ANO3: variants seen among roughly 807,000 people sequenced by gnomAD.
The protein encoded by ANO3 is anoctamin-3.
In ANO3, 99 loss-of-function variants were observed where a neutral mutation model predicts 144.8. That is an observed-to-expected ratio of 0.68 (90% CI 0.58 to 0.81). The LOEUF (loss-of-function observed/expected upper bound fraction) is 0.81, where lower values mean the gene tolerates loss of function less well. Ranked by LOEUF, ANO3 falls within the 30% of genes least tolerant of loss-of-function variation. ANO3 has a pLI of 0.00. For synonymous variants in ANO3, 414 were observed against 392.6 expected (o/e 1.05, Z -0.64); for missense variants, 905 against 1,202.2 (o/e 0.75, Z 3.66).
intron 4 of ANO3, among the ~76,000 whole-genome samples, chr11:26,502,213 A>G (rs1861224637): frequency 6.6e-6 from 1 of 152,200 alleles, no homozygotes; most frequent in African/African-American, 2.4e-5. Flanking sequence ...AAATGAATAC[A>G]TTATATAGTT....
intron 2 of ANO3, among the ~76,000 whole-genome samples, chr11:26,443,034 G>A (rs916260514): frequency 6.6e-5 from 10 of 152,088 alleles, no homozygotes; most frequent in African/African-American, 2.4e-4. Flanking sequence ...AAAGTCCTGG[G>A]ATTACAGGTG....
intron 1 of ANO3, among the ~76,000 whole-genome samples, chr11:26,349,672 C>T (rs948373087): frequency 1.3e-5 from 2 of 152,092 alleles, no homozygotes; most frequent in South Asian, 4.2e-4. Flanking sequence ...CCTCAGCCTC[C>T]GGAGTAGCTG....
intron 1 of ANO3, among the ~76,000 whole-genome samples, chr11:26,253,708 T>C (rs910399011): frequency 6.6e-6 from 1 of 152,162 alleles, no homozygotes; most frequent in Non-Finnish European, 1.5e-5. Context: ...ATGAGAGTCT[T>C]ATCCATGGCC....
At chr11:26,453,162 C>G (rs1460537385) in intron 3 of ANO3, among the ~76,000 whole-genome samples, 3 of 152,218 alleles carry the variant, frequency 2.0e-5, no homozygotes, top group African/African-American at 7.2e-5. Context: ...TAGGAAGACA[C>G]TGCATCAACT....
At chr11:26,383,887 TC>T in intron 1 of ANO3, among the ~76,000 whole-genome samples, 1 of 120,052 alleles carries the variant, frequency 8.3e-6, no homozygotes, top group African/African-American at 3.1e-5. Context: ...CATGCATTGT[TC>T]TTTTTTTTTT....
At chr11:26,430,381 TA>T (rs775970484) in intron 1 of ANO3, among the ~76,000 whole-genome samples, 1 of 151,984 alleles carries the variant, frequency 6.6e-6, no homozygotes, top group African/African-American at 2.4e-5. Flanking sequence ...TACCTTGAAA[TA>T]AAAAACCTAA....
chr11:26,314,356 A>G (rs1175943401), intron 1 of ANO3, among the ~76,000 whole-genome samples: 1 of 152,232 alleles, frequency 6.6e-6, no homozygotes, highest in Non-Finnish European at 1.5e-5. Context: ...AATTTGTGAA[A>G]ACATTACTGA....
At chr11:26,368,681 T>C (rs1325030643) in intron 1 of ANO3, among the ~76,000 whole-genome samples, 1 of 152,006 alleles carries the variant, frequency 6.6e-6, no homozygotes, top group African/African-American at 2.4e-5. Flanking sequence ...TCTGTGTGTG[T>C]GCGTGTGTGT....
At chr11:26,393,209 T>C (rs541637560) in intron 1 of ANO3, among the ~76,000 whole-genome samples, 94 of 152,268 alleles carry the variant, frequency 6.2e-4, no homozygotes, top group Middle Eastern at 3.4e-3. Context: ...CCACATTTTA[T>C]GCCTTTGTGA....
At chr11:26,645,277 C>T (rs1171684997) in intron 23 of ANO3, among the ~76,000 whole-genome samples, 12 of 151,882 alleles carry the variant, frequency 7.9e-5, no homozygotes, top group Admixed American at 6.6e-4. Flanking sequence ...TTAAATAATT[C>T]AATTTTTGAA....
At chr11:26,528,162 A>G (rs1849213179) in intron 7 of ANO3, among the ~76,000 whole-genome samples, 1 of 152,210 alleles carries the variant, frequency 6.6e-6, no homozygotes, top group Admixed American at 6.6e-5. Context: ...TACTTTTAGT[A>G]GTATAAATCA....
At chr11:26,610,732 T>C (rs1283634885) in intron 17 of ANO3, among the ~76,000 whole-genome samples, 1 of 152,168 alleles carries the variant, frequency 6.6e-6, no homozygotes, top group Non-Finnish European at 1.5e-5. Context: ...TTTTTTGTTT[T>C]TTGTTTTTGC....
chr11:26,400,024 C>T (rs1454599864), intron 1 of ANO3, among the ~76,000 whole-genome samples: 1 of 152,096 alleles, frequency 6.6e-6, no homozygotes, highest in Non-Finnish European at 1.5e-5. Context: ...TAGATGAAAT[C>T]ACTTCCTTAG....
chr11:26,447,110 G>A (rs1335851300), intron 3 of ANO3, among the ~76,000 whole-genome samples: 2 of 147,320 alleles, frequency 1.4e-5, no homozygotes, highest in Admixed American at 1.4e-4. Context: ...AGGAGGCTGA[G>A]ATGGGAGTAT....
At chr11:26,534,649 C>T (rs1467055676) in intron 9 of ANO3, 87 bp downstream of exon 9, 3 of 862,670 alleles carry the variant, frequency 3.5e-6, no homozygotes, top group Non-Finnish European at 5.6e-6. Context: ...TGTAGCTTTG[C>T]TTTAATTCAT....
At chr11:26,423,140 T>C (rs1185173078) in intron 1 of ANO3, among the ~76,000 whole-genome samples, 1 of 151,862 alleles carries the variant, frequency 6.6e-6, no homozygotes, top group East Asian at 1.9e-4. Flanking sequence ...CTTATGTGCC[T>C]AATCCTATGA....
intron 24 of ANO3, among the ~76,000 whole-genome samples, chr11:26,649,959 C>T (rs1466322511): frequency 6.6e-6 from 1 of 152,142 alleles, no homozygotes; most frequent in African/African-American, 2.4e-5. Flanking sequence ...TTGCCAGTGT[C>T]TTCACTGCCA....
At chr11:26,558,780 C>T (rs1850167994) in intron 13 of ANO3, among the ~76,000 whole-genome samples, 2 of 152,114 alleles carry the variant, frequency 1.3e-5, no homozygotes, top group African/African-American at 4.8e-5. Flanking sequence ...TGTTTTAATG[C>T]TCCCATTGAG....
chr11:26,595,462 T>TG (rs1402265827), intron 14 of ANO3, among the ~76,000 whole-genome samples: 3 of 70,146 alleles, frequency 4.3e-5, no homozygotes, highest in Admixed American at 1.2e-4. Context: ...ATAGAGTTGT[T>TG]TTTTTTTTTT....
Sources: gnomAD v4.1 joint callset for allele counts (sites outside exome capture counted in the v4.1 genomes callset) on GRCh38, gnomAD v4.1.1 for gene constraint, MANE v1.5 for transcripts, NCBI Gene and HGNC (gene_info 2026-07-23, HGNC 2026-07-21) for gene names.